EIF4G1: variants seen among roughly 807,000 people sequenced by gnomAD.
The protein encoded by EIF4G1 is eukaryotic translation initiation factor 4 gamma 1.
In EIF4G1, 4 loss-of-function variants were observed where a neutral mutation model predicts 187.8. The observed-to-expected ratio is 0.02, with a 90% CI of 0.01 to 0.05. The LOEUF is 0.05. Ranked by LOEUF, EIF4G1 falls within the 10% of genes least tolerant of loss-of-function variation. EIF4G1 has a pLI of 1.00. For missense variants in EIF4G1, 1,647 were observed against 2,081.1 expected (o/e 0.79, Z 4.06); for synonymous variants, 844 against 781.4 (o/e 1.08, Z -1.34).
chr3:184,315,927 AC>A, intron 3 of EIF4G1, 71 bp downstream of exon 3: 3 of 1,513,140 alleles, frequency 2.0e-6, no homozygotes, highest in Non-Finnish European at 2.7e-6. Context: ...GGATCTTCCT[AC>A]CCCCATCTGT....
rs1232502267 is a variant in EIF4G1, at chr3:184,332,096, A to G, written c.4618+10A>G. On this transcript the variant is annotated intron_variant, in intron 32 of 32. Transcript: ENST00000346169. ...TTAGAACAGCCTCCCAGTAAGAGCC[A>G]GGCCATGGGGACAGGGGTGGGGTGG... The G allele has an allele frequency of 6.2e-7, 1 of 1,614,204 alleles. No homozygotes were observed. Among genetic ancestry groups the G allele is most frequent in the East Asian group, 2.2e-5 (1 of 44,874 alleles).
In EIF4G1 at chr3:184,319,628, C is replaced by T; in HGVS notation, c.425-61C>T. ...TTTGGGGTGGGAGGTGTCAGGCAGG[C>T]ATTAGTATATGGTTGGGCCCTGACG... is the stretch of plus-strand genomic sequence containing the variant. On this transcript the variant is annotated intron_variant, in intron 6 of 32. Transcript: ENST00000346169. 2.7e-6 allele frequency: 3 copies of T among 1,104,694 alleles called. No individual in the cohort carries two copies. The South Asian group carries it at 4.0e-5, about 15-fold the overall frequency. The allele number at this position is 1,104,694 out of a possible 1,614,324, so 68.4% of individuals were successfully genotyped here.
chr3:184,318,567 C>CATAG (rs1416912659), intron 6 of EIF4G1, among the ~76,000 whole-genome samples: 9 of 152,270 alleles, frequency 5.9e-5, no homozygotes, highest in African/African-American at 2.2e-4. Flanking sequence ...GCCTGGCCAA[C>CATAG]ATAGTGAAGC....
intron 3 of EIF4G1, 55 bp from the exon 4 acceptor site, chr3:184,316,077 G>T (rs1722724947): frequency 6.2e-7 from 1 of 1,610,124 alleles, no homozygotes; most frequent in Non-Finnish European, 8.5e-7. Context: ...ACCAGCTTGG[G>T]TTTCTGCCCC....
intron 17 of EIF4G1, 120 bp from the exon 18 acceptor site, chr3:184,324,758 C>A: frequency 8.8e-7 from 1 of 1,132,362 alleles, no homozygotes; most frequent in Non-Finnish European, 1.3e-6. Flanking sequence ...AGCCACTATG[C>A]CCAGCCAGCC....
Position 184,315,823 on chromosome 3 carries a change from C to T in EIF4G1, c.27C>T (p.Gly9=). 1.9e-6 allele frequency: 3 copies of T among 1,550,432 alleles called. No homozygotes were observed. Among genetic ancestry groups the T allele is most frequent in the Non-Finnish European group, 2.6e-6 (3 of 1,146,020 alleles). Reference sequence around the variant, plus strand: ...TGAACAAAGCTCCACAGTCCACAGGCCCCCCACCCGCCCCATCCCCCGGAC... The same window carrying T: ...TGAACAAAGCTCCACAGTCCACAGGTCCCCCACCCGCCCCATCCCCCGGAC... The part of the protein sequence containing the change: MNKAPQST[G]PPPAPSPGLP... The change falls in exon 3 of 33, where the codon GGC becomes GGT. Residue 9 remains glycine (G), a synonymous_variant. Transcript: ENST00000346169.
At position 184,331,722 on chromosome 3, in the gene EIF4G1, AT is replaced by A; in HGVS notation, c.4396-5del. On this transcript the variant is annotated splice_region_variant and splice_polypyrimidine_tract_variant and intron_variant, in intron 30 of 32. Coordinates refer to ENST00000346169, the MANE Select transcript of EIF4G1 (RefSeq NM_198241.3). ...AATCTGGGGATCATTTGTTTCTCCC[AT>A]ACAGGCCAACCTGAGTGAGCAGCAG... 6.2e-7 allele frequency: 1 copy of A among 1,614,218 alleles called. No homozygotes were observed. The highest frequency in any genetic ancestry group is 8.5e-7 in the Non-Finnish European group (1 of 1,180,036).
chr3:184,326,466 G>C, intron 21 of EIF4G1, 61 bp from the exon 22 acceptor site: 1 of 1,573,136 alleles, frequency 6.4e-7, no homozygotes, highest in Non-Finnish European at 8.7e-7. Flanking sequence ...GCATATGGTG[G>C]TGCTGGCCAA....
At position 184,321,987 on chromosome 3, in the gene EIF4G1, C is replaced by A. The variant is rs200221361; in HGVS notation, c.1403C>A (p.Ala468Glu). The change falls in exon 10 of 33, where the codon GCA becomes GAA. Residue 468 changes from alanine (A) to glutamate (E), a missense_variant. Around this residue, in one of 11 missense-constraint regions of EIF4G1, gnomAD observed 522 missense variants for 485.2 expected, o/e 1.08. Coordinates refer to ENST00000346169, the MANE Select transcript of EIF4G1 (RefSeq NM_198241.3). The part of the protein sequence containing the change: ...EEEEEEEEGE[A>E]GEAGEAESEK... ...GAAGAAGAAGAGGAAGAAGGAGAAG[C>A]AGGAGAAGCAGGAGAAGCTGAGAGT... The A allele has an allele frequency of 5.8e-6, 9 of 1,543,730 alleles. No individual in the cohort carries two copies. The highest frequency in any genetic ancestry group is 5.4e-5 in the African/African-American group (4 of 74,124).
intron 10 of EIF4G1, 40 bp from the exon 11 acceptor site, chr3:184,322,322 T>C (rs769098686): frequency 3.0e-5 from 47 of 1,591,926 alleles, no homozygotes; most frequent in Non-Finnish European, 3.9e-5. Context: ...CTTAAATTAT[T>C]GGCAAAGATC....
intron 8 of EIF4G1, 49 bp from the exon 9 acceptor site, chr3:184,320,878 G>A: frequency 1.2e-6 from 2 of 1,612,424 alleles, no homozygotes; most frequent in Non-Finnish European, 1.7e-6. Flanking sequence ...AGTAAAGAAG[G>A]GTTGTGGGAC....
chr3:184,319,553 G>T, intron 6 of EIF4G1, 136 bp from the exon 7 acceptor site: 1 of 694,648 alleles, frequency 1.4e-6, no homozygotes, highest in South Asian at 1.5e-5. Flanking sequence ...CCCTGGGGGA[G>T]GAGGGCAGGG....
At chr3:184,316,701 A>G (rs1375349972) in intron 4 of EIF4G1, 2 of 1,594,510 alleles carry the variant, frequency 1.3e-6, no homozygotes, top group East Asian at 2.2e-5. Context: ...TCCTATCCCC[A>G]TGTGCTCTCA....
Position 184,325,040 on chromosome 3 carries a change from G to A in EIF4G1, c.2782G>A (p.Asp928Asn), listed in dbSNP as rs750183330. The change falls in exon 18 of 33, where the codon GAT becomes AAT. Residue 928 changes from aspartate to asparagine, a missense_variant. By Grantham distance (23) the Asp-to-Asn change is conservative (BLOSUM62 1). Transcript: ENST00000346169. This position sits in a 1 kb window ranked among gnomAD's most constrained non-coding sequence, Gnocchi z 5.2. ...TGTGGTCAAACTGCTTAAGAACCAT[G>A]ATGAAGAGTCCCTTGAGTGCCTTTG... ...DCVVKLLKNHDEESLECLCRL... is the reference protein window; with the variant it reads ...DCVVKLLKNHNEESLECLCRL... 1 of 1,614,206 alleles carries A rather than the reference G, an allele frequency of 6.2e-7. No homozygotes were observed. Among genetic ancestry groups the A allele is most frequent in the East Asian group, 2.2e-5 (1 of 44,870 alleles).
At chr3:184,316,844 G>A in intron 4 of EIF4G1, 2 of 1,206,580 alleles carry the variant, frequency 1.7e-6, no homozygotes, top group South Asian at 2.6e-5. Context: ...GACTTGTTTG[G>A]TGTCCAGGTT....
rs16858666 is a variant in EIF4G1 at position 184,329,778 on chromosome 3, C to T, written c.4161+788C>T. On this transcript the variant is annotated intron_variant, in intron 28 of 32. Transcript: ENST00000346169. ...ACAGGAGGCTTTCAGGGTGCTGAAGCGGCTTTGTGAAAGTTAATTGGTAAC... is the reference window on the plus strand; with the variant it reads ...ACAGGAGGCTTTCAGGGTGCTGAAGTGGCTTTGTGAAAGTTAATTGGTAAC... Among the ~76,000 whole-genome samples, 1,262 of 152,134 alleles carry T rather than the reference C, an allele frequency of 8.3e-3. 20 individuals carry two copies. Among genetic ancestry groups the T allele is most frequent in the African/African-American group, 0.029 (1,183 of 41,472 alleles).
At chr3:184,317,276 C>T in intron 4 of EIF4G1, 45 bp from the exon 5 acceptor site, 1 of 1,611,000 alleles carries the variant, frequency 6.2e-7, no homozygotes, top group South Asian at 1.1e-5. Flanking sequence ...TTTTTGTCCA[C>T]TTCCTTCTCT....
At chr3:184,328,203 C>T (rs188074676) in intron 26 of EIF4G1, 3 of 623,846 alleles carry the variant, frequency 4.8e-6, no homozygotes, top group East Asian at 3.0e-5. Flanking sequence ...TCTAGACCAG[C>T]CTGGCCAACA....
intron 28 of EIF4G1, among the ~76,000 whole-genome samples, chr3:184,330,562 C>T (rs1725864554): frequency 6.6e-6 from 1 of 152,128 alleles, no homozygotes; most frequent in Admixed American, 6.5e-5. Context: ...ACTCAGACTG[C>T]TGGTTTTATG....
Sources: allele counts gnomAD v4.1 joint callset (sites outside exome capture counted in the v4.1 genomes callset), GRCh38; gene constraint gnomAD v4.1.1; regional missense constraint gnomAD v4.1.1; non-coding constraint Gnocchi (gnomAD v3.1); transcripts MANE v1.5; gene names NCBI Gene and HGNC (gene_info 2026-07-23, HGNC 2026-07-21).